The following ATP2B2 variants were observed in gnomAD, a reference collection of about 807,000 sequenced individuals.
ATP2B2 encodes plasma membrane calcium-transporting ATPase 2.
ATP2B2 carries 15 observed loss-of-function variants against 120.0 expected under a neutral mutation model. The observed-to-expected ratio is 0.12, with a 90% CI of 0.08 to 0.19. ATP2B2 has a LOEUF of 0.19. Among genes scored for constraint, ATP2B2 ranks in the 10% least tolerant of loss-of-function variants. The probability of loss-of-function intolerance (pLI) is 1.00; values close to 1 mark genes in which losing one functional copy is unlikely to be tolerated. For missense variants in ATP2B2, 1,045 were observed against 1,719.8 expected (o/e 0.61, Z 6.94); for synonymous variants, 694 against 700.3 (o/e 0.99, Z 0.14).
At chr3:10,415,019 C>T (rs180958315) in intron 2 of ATP2B2, among the ~76,000 whole-genome samples, 9 of 152,216 alleles carry the variant, frequency 5.9e-5, no homozygotes, top group Admixed American at 2.0e-4. Context: ...CATGACGTCT[C>T]GCTCACTCCC....
chr3:10,506,116 G>T (rs2066617561), upstream of ATP2B2, among the ~76,000 whole-genome samples: 1 of 152,238 alleles, frequency 6.6e-6, no homozygotes, highest in Non-Finnish European at 1.5e-5. Flanking sequence ...CCCCAGACCT[G>T]GGGGGCAAAG....
chr3:10,520,594 C>T lies in ATP2B2; in HGVS notation c.-320+13445G>A, dbSNP rs563656829. ...AAGTGATTCTTGTGCCTCAGCCTCCCGAGTAGCTGGGATTACAGGCGGGCA... is the reference window on the plus strand; with the variant it reads ...AAGTGATTCTTGTGCCTCAGCCTCCTGAGTAGCTGGGATTACAGGCGGGCA... On this transcript the variant is annotated intron_variant, in intron 3 of 21. Coordinates refer to the ATP2B2 transcript ENST00000646379. 3.9e-5 allele frequency among the ~76,000 whole-genome samples: 6 copies of T among 152,168 alleles called. No homozygotes were observed. The East Asian group carries it at 5.8e-4, about 15-fold the overall frequency.
Position 10,538,338 on chromosome 3 carries a change from T to C in ATP2B2, c.-414-4205A>G, listed in dbSNP as rs552852897. Among the ~76,000 whole-genome samples the C allele has an allele frequency of 2.6e-3, 397 of 152,258 alleles. 1 individual carries two copies. Among genetic ancestry groups the C allele is most frequent in the African/African-American group, 9.0e-3 (374 of 41,564 alleles). ...ACCATTCCTTCTGAAAATATTCCCA[T>C]CAATAGAAAAAGAGGGAATCCTCCC... On this transcript the variant is annotated intron_variant, in intron 2 of 21. Coordinates refer to the ATP2B2 transcript ENST00000646379.
intron 8 of ATP2B2, among the ~76,000 whole-genome samples, chr3:10,380,108 C>T (rs995984792): frequency 9.9e-5 from 15 of 152,196 alleles, no homozygotes; most frequent in African/African-American, 2.9e-4. Flanking sequence ...AAGTAGTGTC[C>T]GTGGGCATCC....
intron 3 of ATP2B2, among the ~76,000 whole-genome samples, chr3:10,510,995 C>T (rs1446741716): frequency 1.3e-5 from 2 of 152,174 alleles, no homozygotes; most frequent in African/African-American, 4.8e-5. Context: ...CTCCTTTGTG[C>T]TCTCAGCATC....
chr3:10,673,399 CAG>C (rs142070938), intron 1 of ATP2B2, among the ~76,000 whole-genome samples: 199 of 138,470 alleles, frequency 1.4e-3, no homozygotes, highest in Non-Finnish European at 1.5e-3. Flanking sequence ...AAGGAAGAGA[CAG>C]AGAGAGAGAG....
chr3:10,581,708 A>G (rs1312073087), intron 2 of ATP2B2, among the ~76,000 whole-genome samples: 1 of 152,218 alleles, frequency 6.6e-6, no homozygotes, highest in Non-Finnish European at 1.5e-5. Flanking sequence ...TCTTCCCTAT[A>G]GCCAAAATGT....
At position 10,487,636 on chromosome 3, in the gene ATP2B2, A is replaced by G. The variant is rs566343747; in HGVS notation, c.-320+17829T>C. 2.0e-5 allele frequency among the ~76,000 whole-genome samples: 3 copies of G among 152,340 alleles called. No individual in the cohort carries two copies. The South Asian group carries it at 6.2e-4, about 32-fold the overall frequency. On this transcript the variant is annotated intron_variant, in intron 1 of 22. Coordinates refer to ENST00000360273, the MANE Select transcript of ATP2B2 (RefSeq NM_001001331.4). Reference sequence around the variant, plus strand: ...CATGTCCCCAGTGCCCTCAGCTCAGAGTAAGTACTCAATGAAAACTTGCGA... The same window carrying G: ...CATGTCCCCAGTGCCCTCAGCTCAGGGTAAGTACTCAATGAAAACTTGCGA...
chr3:10,633,041 G>A (rs909297998), intron 1 of ATP2B2, among the ~76,000 whole-genome samples: 5 of 152,242 alleles, frequency 3.3e-5, no homozygotes, highest in African/African-American at 1.2e-4. Context: ...TCAACATGAA[G>A]CTGATAAAAA....
intron 3 of ATP2B2, among the ~76,000 whole-genome samples, chr3:10,407,432 C>A (rs546588964): frequency 6.6e-6 from 1 of 152,186 alleles, no homozygotes; most frequent in African/African-American, 2.4e-5. Flanking sequence ...CTCTGGCCTG[C>A]GCTCCCTCCT....
At chr3:10,545,983 C>T (rs2067537170) in intron 2 of ATP2B2, among the ~76,000 whole-genome samples, 1 of 152,120 alleles carries the variant, frequency 6.6e-6, no homozygotes, top group South Asian at 2.1e-4. Flanking sequence ...TTATGGTATG[C>T]AAAACAAGAT....
chr3:10,474,646 G>A (rs1447811834), intron 1 of ATP2B2, among the ~76,000 whole-genome samples: 1 of 152,224 alleles, frequency 6.6e-6, no homozygotes, highest in East Asian at 1.9e-4. Flanking sequence ...TGCTTCTTCA[G>A]GCTCATATCC....
At chr3:10,633,251 A>G (rs2069920526) in intron 1 of ATP2B2, among the ~76,000 whole-genome samples, 1 of 152,184 alleles carries the variant, frequency 6.6e-6, no homozygotes, top group Non-Finnish European at 1.5e-5. Context: ...ATGAGTTAAC[A>G]CATATGAGTG....
chr3:10,626,581 A>C (rs1445971084), intron 1 of ATP2B2: 1 of 150,706 alleles, frequency 6.6e-6, no homozygotes, highest in Non-Finnish European at 1.5e-5. Flanking sequence ...GGATGGATGG[A>C]TGGATGGATG....
intron 22 of ATP2B2, among the ~76,000 whole-genome samples, chr3:10,337,959 G>A (rs2060170086): frequency 6.6e-6 from 1 of 152,198 alleles, no homozygotes; most frequent in Non-Finnish European, 1.5e-5. Flanking sequence ...GCTGCCCTGA[G>A]AGGGCACAAT....
chr3:10,643,603 TA>T (rs758645964), intron 1 of ATP2B2, among the ~76,000 whole-genome samples: 103 of 152,138 alleles, frequency 6.8e-4, no homozygotes, highest in Non-Finnish European at 6.3e-4. Flanking sequence ...GCATTCCAGC[TA>T]AGAACACGTA....
intron 8 of ATP2B2, among the ~76,000 whole-genome samples, chr3:10,383,452 T>C (rs9848713): frequency 0.47 from 70,953 of 152,060 alleles, 17,924 homozygotes; most frequent in East Asian, 0.97. Context: ...TTCTCAAACA[T>C]CTTTGACCAC....
At chr3:10,547,846 C>T (rs1304634366) in intron 2 of ATP2B2, among the ~76,000 whole-genome samples, 6 of 152,214 alleles carry the variant, frequency 3.9e-5, no homozygotes, top group Non-Finnish European at 7.3e-5. Flanking sequence ...TCAGTTTAGA[C>T]ATTTGCTGAA....
chr3:10,644,399 C>A (rs1379260740), intron 1 of ATP2B2, among the ~76,000 whole-genome samples: 1 of 152,196 alleles, frequency 6.6e-6, no homozygotes, highest in Non-Finnish European at 1.5e-5. Context: ...CTCAGCAATT[C>A]CACTGCTAGG....
Sources: allele counts gnomAD v4.1 joint callset (sites outside exome capture counted in the v4.1 genomes callset), GRCh38; gene constraint gnomAD v4.1.1; transcripts MANE v1.5; gene names NCBI Gene and HGNC (gene_info 2026-07-23, HGNC 2026-07-21).